The following ZNF768 variants were observed in gnomAD, a reference collection of about 807,000 sequenced individuals.
The protein encoded by ZNF768 is zinc finger protein 768.
A neutral mutation model predicts 39.7 loss-of-function variants in ZNF768; 12 were observed. The ratio of observed to expected loss-of-function variants is 0.30; its 90% CI spans 0.19 to 0.49. The LOEUF (loss-of-function observed/expected upper bound fraction) is 0.49. Among genes scored for constraint, ZNF768 ranks in the 20% least tolerant of loss-of-function variants. The pLI, the probability that ZNF768 is intolerant of heterozygous loss-of-function variation, is 0.99. For missense variants in ZNF768, 613 were observed against 723.2 expected (o/e 0.85, Z 1.75); for synonymous variants, 360 against 288.4 (o/e 1.25, Z -2.52).
At chr16:30,532,410 G>A in the ZNF768 span, 1 of 1,442,204 alleles carries the variant, frequency 6.9e-7, no homozygotes, top group Non-Finnish European at 9.4e-7. Context: ...GGTGGATTCT[G>A]GGACCTCCCT....
chr16:30,527,724 A>C (rs2051341497), upstream of ZNF768: 1 of 152,400 alleles, frequency 6.6e-6, no homozygotes. Flanking sequence ...CGTCAGCCTC[A>C]CACCCCTTGC....
At chr16:30,529,664 A>T (rs1209279242), upstream of ZNF768, among the ~76,000 whole-genome samples, 1 of 152,212 alleles carries the variant, frequency 6.6e-6, no homozygotes, top group Non-Finnish European at 1.5e-5. Context: ...CATTGGGGAC[A>T]GGCCCTGGGA....
rs762981050 is a variant in ZNF768, at chr16:30,524,627, G to A, written c.1513C>T (p.Arg505Trp). 3 of 1,612,950 alleles carry A rather than the reference G, an allele frequency of 1.9e-6. No homozygotes were observed. The highest frequency in any genetic ancestry group is 2.5e-6 in the Non-Finnish European group (3 of 1,179,908). ...TAAGGCCGCTCGCCACTGTGGACCCGGTGATGCTGCAGAAGCGTGGAGGAG... is the reference window on the plus strand; with the variant it reads ...TAAGGCCGCTCGCCACTGTGGACCCAGTGATGCTGCAGAAGCGTGGAGGAG... ...CRSSTLLQHHRVHSGERPYKC... is the reference protein window; with the variant it reads ...CRSSTLLQHHWVHSGERPYKC... Residue 505 changes from arginine (R) to tryptophan (W), a missense_variant, in exon 2 of 2, where the codon CGG becomes TGG. Around this residue, in one of 4 missense-constraint regions of ZNF768, gnomAD observed 204 missense variants for 281.7 expected, o/e 0.72. Coordinates refer to ENST00000380412, the MANE Select transcript of ZNF768 (RefSeq NM_024671.4).
upstream of ZNF768, chr16:30,528,286 C>G (rs1309093480): frequency 6.6e-6 from 1 of 152,212 alleles, no homozygotes; most frequent in African/African-American, 2.4e-5. Context: ...GGCGCACTGG[C>G]TCATGTCTGT....
Position 30,525,826 on chromosome 16 carries a change from G to C in ZNF768, c.314C>G (p.Pro105Arg). Residue 105 changes from proline (P) to arginine (R), a missense_variant, in exon 2 of 2, where the codon CCT becomes CGT. Pro to Arg is a moderately radical substitution (Grantham distance 103). Coordinates refer to ENST00000380412, the MANE Select transcript of ZNF768 (RefSeq NM_024671.4). ...CTCAGGGCTCTGAGAATCTGATTCA[G>C]GGCTTCTGGGTGCAAACTCAGGGCT... Reference protein sequence around the residue: ...PPSPEFAPRSPESDSQSPEFE... With the variant: ...PPSPEFAPRSRESDSQSPEFE... 3 of 1,535,980 alleles carry C rather than the reference G, an allele frequency of 2.0e-6. No individual in the cohort carries two copies. The highest frequency in any genetic ancestry group is 2.6e-6 in the Non-Finnish European group (3 of 1,146,554).
rs2151215145 is a variant in ZNF768 at position 30,525,819 on chromosome 16, T to C, written c.321A>G (p.Ser107=). ...ATTCAAACTCAGGGCTCTGAGAATC[T>C]GATTCAGGGCTTCTGGGTGCAAACT... is the stretch of plus-strand genomic sequence containing the variant. ...SPEFAPRSPE[S]DSQSPEFESQ... is the part of the protein sequence containing the mutation. The change falls in exon 2 of 2, where the codon TCA becomes TCG. Residue 107 remains serine, a synonymous_variant. Transcript: ENST00000380412. 6.5e-7 allele frequency: 1 copy of C among 1,540,876 alleles called. No individual in the cohort carries two copies. The highest frequency in any genetic ancestry group is 8.7e-7 in the Non-Finnish European group (1 of 1,148,908).
upstream of ZNF768, chr16:30,526,861 G>A: frequency 1.0e-6 from 1 of 978,444 alleles, no homozygotes; most frequent in Non-Finnish European, 1.2e-6. Flanking sequence ...CTCGCGCCGC[G>A]GCCTCTCTAG....
chr16:30,532,423 A>G, the ZNF768 span: 1 of 1,498,146 alleles, frequency 6.7e-7, no homozygotes, highest in East Asian at 2.4e-5. Flanking sequence ...ACCTCCCTGC[A>G]GGCCGCTGCA....
At chr16:30,526,946 G>A, upstream of ZNF768, 1 of 985,558 alleles carries the variant, frequency 1.0e-6, no homozygotes, top group African/African-American at 1.7e-5. Flanking sequence ...GGTGAGGACC[G>A]GACGCCCCGG....
At position 30,526,444 on chromosome 16, in the gene ZNF768, C is replaced by G. The variant is rs1284489050; in HGVS notation, c.-31G>C. 7.2e-6 allele frequency: 11 copies of G among 1,518,420 alleles called. No individual in the cohort carries two copies. The highest frequency in any genetic ancestry group is 9.7e-6 in the Non-Finnish European group (11 of 1,134,308). 94.1% of individuals were successfully genotyped at this position (1,518,420 alleles called of 1,614,324 possible). A position where few individuals can be genotyped will look rare whatever the true frequency, so the allele number is the denominator to read the frequency against. ...CGGGCTCCCAGTGCAGCGGCGGCGGCGATGGCGGCCGATCCCGCGACCCGG... is the reference window on the plus strand; with the variant it reads ...CGGGCTCCCAGTGCAGCGGCGGCGGGGATGGCGGCCGATCCCGCGACCCGG... On this transcript the variant is annotated 5_prime_UTR_variant, in exon 1 of 2. Transcript: ENST00000380412.
chr16:30,525,027 C>T lies in ZNF768; in HGVS notation c.1113G>A (p.Arg371=), dbSNP rs367711013. Residue 371 remains arginine (R), a synonymous_variant, in exon 2 of 2, where the codon CGG becomes CGA. Transcript: ENST00000380412. The part of the protein sequence containing the change: ...LRHQRTHSHE[R]PYSCTECGKC... ...TGCCGCACTCGGTGCAGCTGTAGGG[C>T]CGCTCGTGGCTGTGGGTGCGCTGGT... 2.5e-4 allele frequency: 404 copies of T among 1,614,126 alleles called. No individual in the cohort carries two copies. The highest frequency in any genetic ancestry group is 2.2e-4 in the Non-Finnish European group (265 of 1,179,996).
upstream of ZNF768, chr16:30,527,296 C>G (rs2051336420): frequency 1.0e-6 from 1 of 986,204 alleles, no homozygotes; most frequent in Non-Finnish European, 1.2e-6. Flanking sequence ...TCCTCCGGCC[C>G]CCACCCAGCT....
In ZNF768 at chr16:30,524,676, G is replaced by A. The variant is rs201223902; in HGVS notation, c.1464C>T (p.Ala488=). The A allele has an allele frequency of 5.1e-5, 82 of 1,612,868 alleles. No individual in the cohort carries two copies. Among genetic ancestry groups the A allele is most frequent in the Admixed American group, 1.5e-4 (9 of 59,978 alleles). Residue 488 remains alanine (A), a synonymous_variant, in exon 2 of 2, where the codon GCC becomes GCT. Coordinates refer to ENST00000380412, the MANE Select transcript of ZNF768 (RefSeq NM_024671.4). ...SHTGERPYRC[A]VCGKGFCRSS... ...AGCGGCAGAAGCCCTTGCCGCACAC[G>A]GCGCACCTGTAGGGCCGCTCGCCCG...
rs1187499838 is a variant in ZNF768 at position 30,524,772 on chromosome 16, G to C, written c.1368C>G (p.Thr456=). The C allele has an allele frequency of 6.2e-6, 10 of 1,612,140 alleles. No homozygotes were observed. The Admixed American group carries it at 8.3e-5, about 13-fold the overall frequency. The change falls in exon 2 of 2, where the codon ACC becomes ACG. Residue 456 remains threonine, a synonymous_variant. Transcript: ENST00000380412. ...IHARTHLPGR[T]YSCPDCGKTF... is the part of the protein sequence containing the mutation. Reference sequence around the variant, plus strand: ...TCTTGCCGCAGTCGGGGCAGCTGTAGGTGCGGCCTGGCAGGTGGGTGCGGG... The same window carrying C: ...TCTTGCCGCAGTCGGGGCAGCTGTACGTGCGGCCTGGCAGGTGGGTGCGGG...
rs189981520 is a variant in ZNF768, at chr16:30,525,530, C to T, written c.610G>A (p.Glu204Lys). The change falls in exon 2 of 2, where the codon GAG becomes AAG. Residue 204 changes from glutamate to lysine, a missense_variant. Glu to Lys is a moderately conservative substitution (Grantham distance 56, BLOSUM62 1). Around this residue, in one of 4 missense-constraint regions of ZNF768, gnomAD observed 347 missense variants for 326.1 expected, o/e 1.06. Coordinates refer to ENST00000380412, the MANE Select transcript of ZNF768 (RefSeq NM_024671.4). ...PLDSFTQGFGEQPTGDLPIGP... is the reference protein window; with the variant it reads ...PLDSFTQGFGKQPTGDLPIGP... Reference sequence around the variant, plus strand: ...ATGGGCAGGTCCCCTGTGGGCTGCTCCCCAAACCCCTGAGTGAAGGAGTCC... The same window carrying T: ...ATGGGCAGGTCCCCTGTGGGCTGCTTCCCAAACCCCTGAGTGAAGGAGTCC... 1 of 1,614,174 alleles carries T rather than the reference C, an allele frequency of 6.2e-7. No homozygotes were observed. The highest frequency in any genetic ancestry group is 1.7e-5 in the Admixed American group (1 of 60,026).
upstream of ZNF768, chr16:30,526,614 C>T (rs1255827789): frequency 1.0e-6 from 1 of 1,002,176 alleles, no homozygotes; most frequent in African/African-American, 1.7e-5. Context: ...TGCCCGCGGC[C>T]CCGCCCCCTC....
chr16:30,525,035 G>T lies in ZNF768; in HGVS notation c.1105C>A (p.His369Asn). ...TCGGTGCAGCTGTAGGGCCGCTCGT[G>T]GCTGTGGGTGCGCTGGTGTCGCAGG... is the stretch of plus-strand genomic sequence containing the variant. ...YLLRHQRTHSHERPYSCTECG... is the reference protein window; with the variant it reads ...YLLRHQRTHSNERPYSCTECG... The change falls in exon 2 of 2, where the codon CAC (histidine) becomes AAC (asparagine). Residue 369 changes from histidine (H) to asparagine (N), a missense_variant. Physicochemically the swap from His to Asn is moderately conservative, Grantham distance 68. Coordinates refer to ENST00000380412, the MANE Select transcript of ZNF768 (RefSeq NM_024671.4). The T allele has an allele frequency of 6.2e-7, 1 of 1,613,818 alleles. No homozygotes were observed. Among genetic ancestry groups the T allele is most frequent in the Non-Finnish European group, 8.5e-7 (1 of 1,179,956 alleles).
the ZNF768 span, chr16:30,532,271 G>T: frequency 9.9e-6 from 6 of 605,856 alleles, no homozygotes; most frequent in African/African-American, 1.9e-5. Context: ...GGTCTGGGGG[G>T]TTCTCACCTC....
Position 30,525,367 on chromosome 16 carries a change from GGGCCCTGCCCACCCCT to G in ZNF768, c.757_772del (p.Arg253LeufsTer19), listed in dbSNP as rs1227446797. On this transcript the variant is annotated frameshift_variant, in exon 2 of 2. Coordinates refer to ENST00000380412, the MANE Select transcript of ZNF768 (RefSeq NM_024671.4). LOFTEE classifies it high-confidence loss of function. ...GCAGATGCCACAGATGTTAGGCCGA[GGGCCCTGCCCACCCCT>G]GGCCCGGCCACCCCGCCGACCTGGA... is the stretch of plus-strand genomic sequence containing the variant. 1 of 1,613,994 alleles carries G rather than the reference GGGCCCTGCCCACCCCT, an allele frequency of 6.2e-7. No homozygotes were observed. The highest frequency in any genetic ancestry group is 1.3e-5 in the African/African-American group (1 of 74,948).
Sources: gnomAD v4.1 joint callset for allele counts (sites outside exome capture counted in the v4.1 genomes callset) on GRCh38, gnomAD v4.1.1 for gene constraint, gnomAD v4.1.1 regional missense constraint, MANE v1.5 for transcripts, NCBI Gene and HGNC (gene_info 2026-07-23, HGNC 2026-07-21) for gene names.